The following PDK3 variants were observed in gnomAD, a reference collection of about 807,000 sequenced individuals.
The protein encoded by PDK3 is pyruvate dehydrogenase kinase, isozyme 3.
Under a neutral mutation model 32.0 loss-of-function variants are expected in PDK3, and 12 were observed. The observed-to-expected ratio is 0.37, with a 90% CI of 0.24 to 0.61. PDK3 has a LOEUF of 0.61. Ranked by LOEUF, PDK3 falls within the 20% of genes least tolerant of loss-of-function variation. The probability of loss-of-function intolerance (pLI) is 0.65; values close to 1 mark genes in which losing one functional copy is unlikely to be tolerated. For missense variants in PDK3, 188 were observed against 316.9 expected (o/e 0.59, Z 3.09); for synonymous variants, 122 against 116.3 (o/e 1.05, Z -0.31).
rs936503145 is a variant in PDK3 at position 24,534,174 on chromosome X, G to A, written c.*102G>A. On this transcript the variant is annotated 3_prime_UTR_variant, in exon 11 of 11. Coordinates refer to ENST00000379162, the MANE Select transcript of PDK3 (RefSeq NM_005391.5). ...TTGCAGTGTAGAGGTATTCACAACA[G>A]CAAGCAGGGATTTGGCCTGCCATCA... The A allele has an allele frequency of 1.0e-6, 1 of 985,133 alleles. No individual in the cohort carries two copies. The highest frequency in any genetic ancestry group is 1.3e-6 in the Non-Finnish European group (1 of 774,093). 81.2% of individuals were successfully genotyped at this position (985,133 alleles called of 1,213,427 possible).
At chrX:24,528,454 A>G (rs768758389) in intron 9 of PDK3, among the ~76,000 whole-genome samples, 12 of 112,135 alleles carry the variant, frequency 1.1e-4, no homozygotes, top group Admixed American at 1.9e-4. Context: ...TCATTGTGGT[A>G]AGACTGCTAC....
intron 5 of PDK3, among the ~76,000 whole-genome samples, chrX:24,516,817 A>G (rs1204565456): frequency 5.7e-5 from 6 of 105,133 alleles, no homozygotes; most frequent in Non-Finnish European, 7.8e-5. Context: ...TTTTTTTGAG[A>G]TGGAGTCTTG....
intron 10 of PDK3, among the ~76,000 whole-genome samples, chrX:24,533,139 CTT>C (rs35816110): frequency 0.15 from 13,618 of 92,649 alleles, 1,006 homozygotes; most frequent in Middle Eastern, 0.24. Context: ...CTTTCTTTTT[CTT>C]TTTTTTTTTT....
intron 5 of PDK3, among the ~76,000 whole-genome samples, chrX:24,517,434 G>A (rs773769530): frequency 9.0e-6 from 1 of 111,435 alleles, no homozygotes; most frequent in Admixed American, 9.5e-5. Flanking sequence ...TGTTGGCCTG[G>A]CTGGTCTTGA....
chrX:24,509,264 T>C (rs1922060638), intron 5 of PDK3, among the ~76,000 whole-genome samples: 1 of 111,471 alleles, frequency 9.0e-6, no homozygotes, highest in Non-Finnish European at 1.9e-5. Context: ...GTCCCCTCCT[T>C]TTTCTTCCCT....
chrX:24,484,168 T>G (rs1054703546), intron 1 of PDK3, among the ~76,000 whole-genome samples: 3 of 109,263 alleles, frequency 2.7e-5, no homozygotes, highest in African/African-American at 1.0e-4. Flanking sequence ...CGTGCCACCA[T>G]AGCTGGCTAA....
At chrX:24,515,334 G>A (rs964618225) in intron 5 of PDK3, among the ~76,000 whole-genome samples, 9 of 111,897 alleles carry the variant, frequency 8.0e-5, no homozygotes, top group Admixed American at 5.7e-4. Context: ...TTTGTGTTTC[G>A]AGTTGGCTGC....
intron 10 of PDK3, 67 bp downstream of exon 10, chrX:24,531,837 T>C (rs1922657890): frequency 1.1e-5 from 6 of 565,198 alleles, no homozygotes; most frequent in Admixed American, 1.0e-4. Flanking sequence ...TAATCGCTGA[T>C]TGAGAACAGC....
intron 1 of PDK3, among the ~76,000 whole-genome samples, chrX:24,486,341 T>C (rs1921400247): frequency 9.0e-6 from 1 of 111,432 alleles, no homozygotes; most frequent in Admixed American, 9.6e-5. Flanking sequence ...TGCAGTTGTC[T>C]GTCCCAAGCA....
At chrX:24,529,141 C>T (rs112878132) in intron 9 of PDK3, among the ~76,000 whole-genome samples, 1,234 of 111,698 alleles carry the variant, frequency 0.011, 15 homozygotes, top group African/African-American at 0.038. Flanking sequence ...TAGGCTCTGG[C>T]ATGCACTTAA....
chrX:24,501,522 T>TGG (rs1921857253), intron 3 of PDK3, among the ~76,000 whole-genome samples: 1 of 112,717 alleles, frequency 8.9e-6, no homozygotes, highest in Admixed American at 9.4e-5. Context: ...GAGACCAGCC[T>TGG]GGGCAACATG....
intron 9 of PDK3, among the ~76,000 whole-genome samples, chrX:24,529,605 C>A (rs1475666379): frequency 9.1e-6 from 1 of 110,085 alleles, no homozygotes. Context: ...TAAAAATACA[C>A]GAAAATAGTC....
In PDK3 at chrX:24,533,809, A is replaced by G. The variant is rs1001688215; in HGVS notation, c.1078-120A>G. On this transcript the variant is annotated intron_variant, in intron 10 of 10. Coordinates refer to ENST00000379162, the MANE Select transcript of PDK3 (RefSeq NM_005391.5). ...TAAACTACTAAGGTGTAATTTTAAT[A>G]TCATTTTGAAAATATGTATTAAGGT... is the stretch of plus-strand genomic sequence containing the variant. 7 of 777,129 alleles carry G rather than the reference A, an allele frequency of 9.0e-6. No individual in the cohort carries two copies. The African/African-American group carries it at 1.3e-4, about 14-fold the overall frequency. 64.0% of individuals were successfully genotyped at this position (777,129 alleles called of 1,213,427 possible).
intron 1 of PDK3, among the ~76,000 whole-genome samples, chrX:24,479,778 C>T (rs772831924): frequency 9.1e-6 from 1 of 109,769 alleles, no homozygotes; most frequent in African/African-American, 3.3e-5. Flanking sequence ...GAGTGAGACT[C>T]CGTCTCAAAA....
intron 2 of PDK3, among the ~76,000 whole-genome samples, chrX:24,496,373 A>G (rs1921701584): frequency 1.8e-5 from 2 of 109,950 alleles, no homozygotes; most frequent in Admixed American, 9.8e-5. Context: ...ACACACCCAT[A>G]TATGGTACAC....
chrX:24,502,077 A>G (rs766605017), intron 3 of PDK3, among the ~76,000 whole-genome samples: 1 of 110,737 alleles, frequency 9.0e-6, no homozygotes, highest in African/African-American at 3.3e-5. Flanking sequence ...GTGTCCCTAT[A>G]GGATTGCTAA....
chrX:24,472,306 CTT>C (rs1221294126), intron 1 of PDK3, among the ~76,000 whole-genome samples: 1 of 111,841 alleles, frequency 8.9e-6, no homozygotes, highest in African/African-American at 3.2e-5. Flanking sequence ...ACTGAATTGA[CTT>C]AATTTAAATT....
chrX:24,533,406 G>T (rs917850142), intron 10 of PDK3, among the ~76,000 whole-genome samples: 5 of 111,591 alleles, frequency 4.5e-5, no homozygotes, highest in Non-Finnish European at 9.4e-5. Context: ...CCAAAGTGCT[G>T]GGATTACAGG....
At chrX:24,547,306 A>G (rs1049188539) in exon 12 of PDK3, 17 of 112,603 alleles carry the variant, frequency 1.5e-4, no homozygotes, top group Admixed American at 4.7e-4. Flanking sequence ...CTTAACCTGA[A>G]AAGTATTTCT....
Sources: allele counts gnomAD v4.1 joint callset (sites outside exome capture counted in the v4.1 genomes callset), GRCh38; gene constraint gnomAD v4.1.1; transcripts MANE v1.5; gene names NCBI Gene and HGNC (gene_info 2026-07-23, HGNC 2026-07-21).